Variants in TNS1 observed in about 807,000 individuals in gnomAD.
TNS1 encodes the protein tensin-1.
Under a neutral mutation model 168.6 loss-of-function variants are expected in TNS1, and 62 were observed. That is an observed-to-expected ratio of 0.37 (90% CI 0.30 to 0.45). The LOEUF is 0.45. Among genes scored for constraint, TNS1 ranks in the 20% least tolerant of loss-of-function variants. The pLI is 1.00. For missense variants in TNS1, 2,240 were observed against 2,339.4 expected, an observed-to-expected ratio of 0.96 and a Z score of 0.88; for synonymous variants, 934 against 933.2, an observed-to-expected ratio of 1.00 and a Z score of -0.02.
At chr2:217,993,961 C>T (rs1958422389) in intron 1 of TNS1, among the ~76,000 whole-genome samples, 1 of 152,180 alleles carries the variant, frequency 6.6e-6, no homozygotes, top group African/African-American at 2.4e-5. Context: ...CAGACAGAGA[C>T]GTCAGGGATG....
At chr2:217,988,631 C>A (rs1007926045) in intron 2 of TNS1, among the ~76,000 whole-genome samples, 6 of 152,184 alleles carry the variant, frequency 3.9e-5, no homozygotes, top group Admixed American at 2.6e-4. Context: ...AGCAATTCTT[C>A]TGTGACTTCT....
chr2:217,837,190 C>T (rs1237987513), intron 19 of TNS1, among the ~76,000 whole-genome samples: 1 of 152,172 alleles, frequency 6.6e-6, no homozygotes, highest in Non-Finnish European at 1.5e-5. Context: ...ACAAAGGCCT[C>T]AGGTCACATG....
At chr2:217,960,490 G>A (rs1373301588) in intron 3 of TNS1, among the ~76,000 whole-genome samples, 1 of 152,072 alleles carries the variant, frequency 6.6e-6, no homozygotes, top group African/African-American at 2.4e-5. Flanking sequence ...CAGGGCAGGG[G>A]GCATGTGAGA....
chr2:217,924,605 G>A (rs1359828743), intron 3 of TNS1, among the ~76,000 whole-genome samples: 6 of 152,172 alleles, frequency 3.9e-5, no homozygotes, highest in South Asian at 2.1e-4. Flanking sequence ...GGCCACAATC[G>A]CTGCCATTTG....
chr2:217,882,418 A>G lies in TNS1; in HGVS notation c.1247-7T>C. 6.3e-7 allele frequency: 1 copy of G among 1,589,774 alleles called. No homozygotes were observed. ...TACTCTGGAAATCGATCATCTGGAA[A>G]AAGAGAAGGAAAAATAAAAATAGGC... On this transcript the variant is annotated splice_polypyrimidine_tract_variant and splice_region_variant and intron_variant, in intron 16 of 32. Coordinates refer to ENST00000682258, the MANE Select transcript of TNS1 (RefSeq NM_001387777.1).
intron 1 of TNS1, among the ~76,000 whole-genome samples, chr2:218,022,415 C>G (rs561016190): frequency 6.6e-6 from 1 of 152,186 alleles, no homozygotes; most frequent in Non-Finnish European, 1.5e-5. Context: ...ATCCCTGAAT[C>G]CTTTCAAGAC....
chr2:217,818,335 T>G lies in TNS1; in HGVS notation c.3997A>C (p.Thr1333Pro). ...GPPGTGFHGS[T>P]VSSPQSSAAT... is the part of the protein sequence containing the mutation. ...GCACTGCTCTGGGGGCTGGAGACAG[T>G]GCTACCATGGAAGCCAGTGCCTGGT... The change falls in exon 24 of 33, where the codon ACT (threonine) becomes CCT (proline). Residue 1333 changes from threonine (T) to proline (P), a missense_variant. Transcript: ENST00000682258. The G allele has an allele frequency of 2.5e-6, 4 of 1,614,104 alleles. No homozygotes were observed. In the East Asian group the frequency reaches 6.7e-5, roughly 27 times the overall value.
chr2:217,880,765 G>GGA lies in TNS1; in HGVS notation c.1429+131_1429+132dup. On this transcript the variant is annotated intron_variant, in intron 18 of 32. Transcript: ENST00000682258. The surrounding 1 kb of genome is among the most constrained non-coding windows in gnomAD (Gnocchi z 4.2). ...TTCCCCCAGTTAACGGTGAGCTCTC[G>GGA]GAGGTACCTCACACTTCCCCTCTGC... The GGA allele has an allele frequency of 2.9e-6, 2 of 694,672 alleles. No homozygotes were observed. Among genetic ancestry groups the GGA allele is most frequent in the Non-Finnish European group, 5.1e-6 (2 of 389,922 alleles). 43.0% of individuals were successfully genotyped at this position (694,672 alleles called of 1,614,324 possible). A position where few individuals can be genotyped will look rare whatever the true frequency, so the allele number is the denominator to read the frequency against.
intron 3 of TNS1, among the ~76,000 whole-genome samples, chr2:217,958,288 G>A (rs1957413606): frequency 6.6e-6 from 1 of 151,750 alleles, no homozygotes; most frequent in African/African-American, 2.4e-5. Flanking sequence ...AGGAGAAAAT[G>A]CCAGATGCCG....
intron 6 of TNS1, chr2:217,905,362 C>T (rs775945663): frequency 3.1e-5 from 14 of 450,516 alleles, no homozygotes; most frequent in East Asian, 7.1e-5. Context: ...AGGCCCCATG[C>T]GGTCCATGGG....
chr2:217,892,887 T>G, intron 11 of TNS1, 61 bp downstream of exon 11: 2 of 1,552,242 alleles, frequency 1.3e-6, no homozygotes, highest in Non-Finnish European at 1.8e-6. Context: ...TGTGGGTGGA[T>G]GAGAGGAGGG....
chr2:217,932,632 C>T (rs770286147), intron 3 of TNS1, among the ~76,000 whole-genome samples: 1 of 152,116 alleles, frequency 6.6e-6, no homozygotes, highest in East Asian at 1.9e-4. Flanking sequence ...AGGTCCTATT[C>T]GTATCCCCAT....
At chr2:217,855,373 T>A (rs547028019) in intron 18 of TNS1, among the ~76,000 whole-genome samples, 1 of 152,326 alleles carries the variant, frequency 6.6e-6, no homozygotes, top group South Asian at 2.1e-4. Flanking sequence ...CAAACTTCCC[T>A]GGGAAATTTC....
intron 4 of TNS1, among the ~76,000 whole-genome samples, chr2:217,909,423 G>A (rs190301374): frequency 2.7e-4 from 41 of 152,226 alleles, no homozygotes; most frequent in African/African-American, 9.1e-4. Flanking sequence ...CCCCAGGCCC[G>A]TTCAGGGCCC....
Position 217,813,395 on chromosome 2 carries a change from G to T in TNS1, c.4862-88C>A. 8.6e-7 allele frequency: 1 copy of T among 1,168,718 alleles called. No individual in the cohort carries two copies. Among genetic ancestry groups the T allele is most frequent in the Non-Finnish European group, 1.2e-6 (1 of 800,914 alleles). The allele number at this position is 1,168,718 out of a possible 1,614,324, so 72.4% of individuals were successfully genotyped here. On this transcript the variant is annotated intron_variant, in intron 26 of 32. Transcript: ENST00000682258. The surrounding 1 kb of genome is among the most constrained non-coding windows in gnomAD (Gnocchi z 4.0). ...AAGACTGCTTCAAAACTTCCGCAGT[G>T]TGCGGGGCCAAGATGGGAGAAATGA...
rs777573962 is a variant in TNS1, at chr2:217,814,990, G to A, written c.4651C>T (p.Pro1551Ser). 1 of 1,612,056 alleles carries A rather than the reference G, an allele frequency of 6.2e-7. No homozygotes were observed. Among genetic ancestry groups the A allele is most frequent in the East Asian group, 2.2e-5 (1 of 44,892 alleles). The change falls in exon 25 of 33, where the codon CCG (proline) becomes TCG (serine). Residue 1551 changes from proline (P) to serine (S), a missense_variant. Around this residue, in one of 2 missense-constraint regions of TNS1, gnomAD observed 2,131 missense variants for 2,171.2 expected, o/e 0.98. Coordinates refer to ENST00000682258, the MANE Select transcript of TNS1 (RefSeq NM_001387777.1). Reference sequence around the variant, plus strand: ...AACTTCACTTTAGCCCGCGTCTCCGGGCTGTTGTCTAAAGCAGGAGAAGGG... The same window carrying A: ...AACTTCACTTTAGCCCGCGTCTCCGAGCTGTTGTCTAAAGCAGGAGAAGGG... ...FSKYSMPDNS[P>S]ETRAKVKFVQ...
chr2:217,843,810 A>T (rs1574763974), intron 19 of TNS1, among the ~76,000 whole-genome samples: 2 of 152,034 alleles, frequency 1.3e-5, no homozygotes, highest in South Asian at 2.1e-4. Flanking sequence ...TGGCCATTCC[A>T]TCCTAAGTTC....
intron 30 of TNS1, among the ~76,000 whole-genome samples, chr2:217,808,993 G>A (rs547604000): frequency 4.6e-5 from 7 of 152,302 alleles, no homozygotes; most frequent in Admixed American, 2.6e-4. Context: ...CCAAGTGGAC[G>A]GGCTCTGCTC....
chr2:218,021,462 G>C (rs944981625), intron 1 of TNS1, among the ~76,000 whole-genome samples: 1 of 152,176 alleles, frequency 6.6e-6, no homozygotes, highest in Non-Finnish European at 1.5e-5. Flanking sequence ...CCATAGCCTA[G>C]AGCGAGTAGA....
Sources: gnomAD v4.1 joint callset for allele counts (sites outside exome capture counted in the v4.1 genomes callset) on GRCh38, gnomAD v4.1.1 for gene constraint, gnomAD v4.1.1 regional missense constraint, Gnocchi (gnomAD v3.1) non-coding constraint, MANE v1.5 for transcripts, NCBI Gene and HGNC (gene_info 2026-07-23, HGNC 2026-07-21) for gene names.